WDPCP: variants seen among roughly 807,000 people sequenced by gnomAD.
WDPCP encodes the protein WD repeat-containing and planar cell polarity effector protein fritz homolog.
Under a neutral mutation model 93.1 loss-of-function variants are expected in WDPCP, and 71 were observed. The observed-to-expected ratio is 0.76, with a 90% confidence interval of 0.63 to 0.93. WDPCP has a LOEUF of 0.93. WDPCP is among the 40% of genes least tolerant of loss of function. WDPCP has a pLI of 0.00. For synonymous variants in WDPCP, 315 were observed against 315.0 expected (o/e 1.00, Z 0.00); for missense variants, 844 against 887.4 (o/e 0.95, Z 0.62).
At chr2:63,558,832 C>T (rs752466769) in intron 1 of WDPCP, among the ~76,000 whole-genome samples, 58 of 152,134 alleles carry the variant, frequency 3.8e-4, no homozygotes, top group Non-Finnish European at 6.5e-4. Flanking sequence ...AATGAATTTA[C>T]AGCTGAACTC....
intron 15 of WDPCP, among the ~76,000 whole-genome samples, chr2:63,166,054 T>TCTTTAA (rs1219265609): frequency 3.6e-4 from 54 of 151,986 alleles, no homozygotes; most frequent in Non-Finnish European, 4.9e-4. Flanking sequence ...AAATTTCTTT[T>TCTTTAA]TTTTAATTTT....
intron 6 of WDPCP, among the ~76,000 whole-genome samples, chr2:63,452,186 G>C (rs1449044961): frequency 5.3e-5 from 8 of 152,192 alleles, no homozygotes; most frequent in Non-Finnish European, 1.2e-4. Context: ...TGTATATCTA[G>C]AAAACCCCAT....
chr2:63,522,463 C>G (rs1454298609), intron 1 of WDPCP, among the ~76,000 whole-genome samples: 1 of 149,820 alleles, frequency 6.7e-6, no homozygotes, highest in South Asian at 2.1e-4. Flanking sequence ...CAGACACACA[C>G]ACACACACAC....
chr2:63,808,721 G>C (rs1321450412), intron 2 of WDPCP, among the ~76,000 whole-genome samples: 1 of 152,180 alleles, frequency 6.6e-6, no homozygotes, highest in African/African-American at 2.4e-5. Flanking sequence ...GCCTGCCTTG[G>C]CCTCCCAAAG....
chr2:63,609,063 C>T (rs778454664), intron 3 of WDPCP, among the ~76,000 whole-genome samples: 3 of 152,052 alleles, frequency 2.0e-5, no homozygotes, highest in East Asian at 1.9e-4. Flanking sequence ...ACCAGCTGCT[C>T]CTTGTTAAAA....
At chr2:63,191,450 A>G (rs1443018383) in intron 14 of WDPCP, among the ~76,000 whole-genome samples, 1 of 152,188 alleles carries the variant, frequency 6.6e-6, no homozygotes, top group Non-Finnish European at 1.5e-5. Flanking sequence ...GTTTTGTGCA[A>G]TGGAAGCTAC....
intron 2 of WDPCP, among the ~76,000 whole-genome samples, chr2:63,716,860 A>G (rs1669346692): frequency 6.6e-6 from 1 of 152,240 alleles, no homozygotes; most frequent in Non-Finnish European, 1.5e-5. Flanking sequence ...AGAAACAACA[A>G]ATAGTTTACT....
At chr2:63,229,570 T>G (rs1471543293) in intron 14 of WDPCP, 1 of 152,190 alleles carries the variant, frequency 6.6e-6, no homozygotes, top group African/African-American at 2.4e-5. Context: ...GTTTTAGGTC[T>G]AACATTTAAG....
intron 2 of WDPCP, among the ~76,000 whole-genome samples, chr2:63,804,346 G>A (rs1294471773): frequency 6.6e-6 from 1 of 151,530 alleles, no homozygotes; most frequent in Non-Finnish European, 1.5e-5. Context: ...GCGCCTCCCG[G>A]GTTCACGCCA....
At chr2:63,201,300 AT>A (rs1291609158) in intron 14 of WDPCP, among the ~76,000 whole-genome samples, 2 of 152,180 alleles carry the variant, frequency 1.3e-5, no homozygotes, top group African/African-American at 4.8e-5. Context: ...CTGTGAGTCA[AT>A]TAAACCTATT....
intron 3 of WDPCP, chr2:63,605,386 C>A (rs772760625): frequency 1.2e-6 from 2 of 1,609,882 alleles, no homozygotes; most frequent in Non-Finnish European, 1.7e-6. Flanking sequence ...TGGTTTGGAA[C>A]CCCAGAGGTA....
chr2:63,336,815 A>T (rs12623618), intron 12 of WDPCP, among the ~76,000 whole-genome samples: 84,667 of 149,444 alleles, frequency 0.57, 24,230 homozygotes, highest in Admixed American at 0.64. Context: ...TTATATATAT[A>T]TTTTTCCCCT....
At chr2:63,563,244 G>A (rs149631731) in intron 1 of WDPCP, among the ~76,000 whole-genome samples, 309 of 151,960 alleles carry the variant, frequency 2.0e-3, no homozygotes, top group African/African-American at 5.9e-3. Flanking sequence ...CAAGCAACAC[G>A]ATCTCTTCTA....
At chr2:63,472,253 T>C (rs910275024) in intron 6 of WDPCP, among the ~76,000 whole-genome samples, 62 of 152,082 alleles carry the variant, frequency 4.1e-4, no homozygotes, top group African/African-American at 1.3e-3. Context: ...AAATGCCTTT[T>C]CTAAAATTCA....
chr2:63,245,551 GA>G (rs1680205541), intron 14 of WDPCP, among the ~76,000 whole-genome samples: 1 of 152,048 alleles, frequency 6.6e-6, no homozygotes, highest in African/African-American at 2.4e-5. Context: ...TTAAGTTAAT[GA>G]AAAATAGAAA....
chr2:63,445,633 G>A (rs188972178), intron 6 of WDPCP, among the ~76,000 whole-genome samples: 9 of 152,254 alleles, frequency 5.9e-5, no homozygotes, highest in Admixed American at 2.6e-4. Context: ...CAAGGGGTTG[G>A]AGGGAGGCTT....
chr2:63,706,703 G>A (rs1434710868), intron 2 of WDPCP, among the ~76,000 whole-genome samples: 24 of 135,328 alleles, frequency 1.8e-4, no homozygotes, highest in Admixed American at 3.4e-4. Context: ...TGCAAGCTCC[G>A]CTTCCCGGGT....
At chr2:63,732,778 AG>A (rs1466027865) in intron 2 of WDPCP, among the ~76,000 whole-genome samples, 1 of 152,248 alleles carries the variant, frequency 6.6e-6, no homozygotes, top group African/African-American at 2.4e-5. Flanking sequence ...ATTAAGGGAA[AG>A]AAAGAATTGA....
intron 2 of WDPCP, among the ~76,000 whole-genome samples, chr2:63,671,263 G>A (rs142606006): frequency 0.017 from 2,599 of 152,170 alleles, 35 homozygotes; most frequent in Non-Finnish European, 0.025. Context: ...TTGTTCCCAG[G>A]CCATGCTTCC....
Sources: gnomAD v4.1 joint callset for allele counts (sites outside exome capture counted in the v4.1 genomes callset) on GRCh38, gnomAD v4.1.1 for gene constraint, MANE v1.5 for transcripts, NCBI Gene and HGNC (gene_info 2026-07-23, HGNC 2026-07-21) for gene names.